The following FILIP1 variants were observed in gnomAD, a reference collection of about 807,000 sequenced individuals.
FILIP1 encodes the protein filamin-A-interacting protein 1.
Under a neutral mutation model 102.1 loss-of-function variants are expected in FILIP1, and 61 were observed. The ratio of observed to expected loss-of-function variants is 0.60; its 90% CI spans 0.49 to 0.74. The LOEUF (loss-of-function observed/expected upper bound fraction) is 0.74. FILIP1 is among the 30% of genes least tolerant of loss of function. The pLI, the probability that FILIP1 is intolerant of heterozygous loss-of-function variation, is 0.00. For missense variants in FILIP1, 1,314 were observed against 1,441.2 expected (o/e 0.91, Z 1.43); for synonymous variants, 491 against 526.9 (o/e 0.93, Z 0.93).
At chr6:75,445,773 A>G (rs1235561804) in intron 1 of FILIP1, among the ~76,000 whole-genome samples, 3 of 151,290 alleles carry the variant, frequency 2.0e-5, no homozygotes, top group African/African-American at 7.3e-5. Context: ...GCTTGTTACC[A>G]CTACATTAAT....
chr6:75,437,043 C>A (rs1308995929), intron 1 of FILIP1, among the ~76,000 whole-genome samples: 2 of 152,152 alleles, frequency 1.3e-5, no homozygotes, highest in African/African-American at 4.8e-5. Flanking sequence ...ACTCCCCGCT[C>A]TCACTTTTCC....
chr6:75,459,476 T>C (rs572194353), intron 1 of FILIP1, among the ~76,000 whole-genome samples: 1 of 152,292 alleles, frequency 6.6e-6, no homozygotes, highest in South Asian at 2.1e-4. Context: ...CTATTGAAGA[T>C]ATTGGAAAAG....
chr6:75,315,218 T>C lies in FILIP1; in HGVS notation c.630-16A>G. 3 of 1,473,946 alleles carry C rather than the reference T, an allele frequency of 2.0e-6. No individual in the cohort carries two copies. Among genetic ancestry groups the C allele is most frequent in the Non-Finnish European group, 2.7e-6 (3 of 1,105,380 alleles). The allele number at this position is 1,473,946 out of a possible 1,614,324, so 91.3% of individuals were successfully genotyped here. A position where few individuals can be genotyped will look rare whatever the true frequency, so the allele number is the denominator to read the frequency against. ...CTTTTTTAACCTAGAAAATAAAATA[T>C]ACCTATATGTTAAAAGAGTAATCAG... is the stretch of plus-strand genomic sequence containing the variant. On this transcript the variant is annotated splice_polypyrimidine_tract_variant and intron_variant, in intron 4 of 5. Coordinates refer to ENST00000237172, the MANE Select transcript of FILIP1 (RefSeq NM_015687.5).
chr6:75,387,423 G>A (rs1299202190), intron 2 of FILIP1, among the ~76,000 whole-genome samples: 2 of 152,152 alleles, frequency 1.3e-5, no homozygotes, highest in Admixed American at 6.5e-5. Context: ...GCATTGCTGG[G>A]TCAAATGGTA....
chr6:75,450,564 G>A (rs1322405888), intron 1 of FILIP1, among the ~76,000 whole-genome samples: 3 of 151,388 alleles, frequency 2.0e-5, no homozygotes, highest in Admixed American at 6.6e-5. Flanking sequence ...TGAGAGGATT[G>A]CTTGAGCCCA....
chr6:75,410,702 T>A (rs1386617204), intron 2 of FILIP1, among the ~76,000 whole-genome samples: 1 of 152,168 alleles, frequency 6.6e-6, no homozygotes, highest in Non-Finnish European at 1.5e-5. Flanking sequence ...TCCAGCTTCA[T>A]CCATGTCCCT....
chr6:75,427,416 T>A (rs1777663450), intron 1 of FILIP1, among the ~76,000 whole-genome samples: 1 of 152,134 alleles, frequency 6.6e-6, no homozygotes, highest in South Asian at 2.1e-4. Flanking sequence ...GCAAAGAAAT[T>A]TTCCTTTAAG....
At chr6:75,479,171 G>A (rs1321354653) in intron 1 of FILIP1, among the ~76,000 whole-genome samples, 3 of 152,158 alleles carry the variant, frequency 2.0e-5, no homozygotes, top group Admixed American at 2.0e-4. Context: ...AGAGTCTCTA[G>A]GTCTGCCAAA....
intron 2 of FILIP1, among the ~76,000 whole-genome samples, chr6:75,408,715 C>T (rs1582460923): frequency 6.6e-6 from 1 of 152,312 alleles, no homozygotes; most frequent in East Asian, 1.9e-4. Context: ...TCCTCCTTTT[C>T]CCCAAGTCAC....
chr6:75,333,780 A>G (rs373918994), intron 4 of FILIP1, among the ~76,000 whole-genome samples: 5 of 152,144 alleles, frequency 3.3e-5, no homozygotes, highest in South Asian at 4.1e-4. Flanking sequence ...AAATCAAGCT[A>G]TTTATTTTTA....
At chr6:75,303,945 G>A (rs1189464443), downstream of FILIP1, among the ~76,000 whole-genome samples, 1 of 152,126 alleles carries the variant, frequency 6.6e-6, no homozygotes, top group East Asian at 1.9e-4. Flanking sequence ...AACCAGTCCA[G>A]ACTGAATATG....
At chr6:75,338,700 T>C (rs1774322801) in intron 4 of FILIP1, among the ~76,000 whole-genome samples, 1 of 152,264 alleles carries the variant, frequency 6.6e-6, no homozygotes, top group Admixed American at 6.5e-5. Flanking sequence ...TGATGACAAA[T>C]GTCTGCCAAT....
chr6:75,469,790 TG>T (rs1244232004), intron 1 of FILIP1, among the ~76,000 whole-genome samples: 1 of 152,084 alleles, frequency 6.6e-6, no homozygotes, highest in Non-Finnish European at 1.5e-5. Flanking sequence ...CCAATATAAC[TG>T]GCTAACTTAG....
At chr6:75,359,650 T>A (rs2808208) in intron 3 of FILIP1, among the ~76,000 whole-genome samples, 112,339 of 152,094 alleles carry the variant, frequency 0.74, 42,003 homozygotes, top group African/African-American at 0.86. Flanking sequence ...ATGCTGAAGC[T>A]ACAACTCAGC....
chr6:75,396,026 C>T (rs537437098), intron 2 of FILIP1, among the ~76,000 whole-genome samples: 2 of 150,916 alleles, frequency 1.3e-5, no homozygotes, highest in East Asian at 3.9e-4. Flanking sequence ...ACCCATCAGC[C>T]AACCTGGAAC....
At chr6:75,318,688 C>A (rs1205369174) in intron 4 of FILIP1, among the ~76,000 whole-genome samples, 1 of 152,076 alleles carries the variant, frequency 6.6e-6, no homozygotes, top group Non-Finnish European at 1.5e-5. Flanking sequence ...ACAATTATTT[C>A]GTATAAGCTG....
intron 4 of FILIP1, among the ~76,000 whole-genome samples, chr6:75,321,521 G>A (rs911783880): frequency 6.6e-6 from 1 of 152,202 alleles, no homozygotes; most frequent in African/African-American, 2.4e-5. Context: ...TCGGCCGGGC[G>A]CGGTGGCTCA....
At chr6:75,336,595 C>T (rs1284131899) in intron 4 of FILIP1, among the ~76,000 whole-genome samples, 2 of 152,060 alleles carry the variant, frequency 1.3e-5, no homozygotes, top group African/African-American at 2.4e-5. Context: ...GTGATTCAAA[C>T]TTGAATTATA....
At chr6:75,416,771 G>A (rs1333026778) in intron 1 of FILIP1, among the ~76,000 whole-genome samples, 1 of 152,000 alleles carries the variant, frequency 6.6e-6, no homozygotes, top group Non-Finnish European at 1.5e-5. Context: ...TCTTTGAGAT[G>A]ACATACCAAA....
Sources: gnomAD v4.1 joint callset for allele counts (sites outside exome capture counted in the v4.1 genomes callset) on GRCh38, gnomAD v4.1.1 for gene constraint, MANE v1.5 for transcripts, NCBI Gene and HGNC (gene_info 2026-07-23, HGNC 2026-07-21) for gene names.